PLSCR3: variants seen among roughly 807,000 people sequenced by gnomAD.
PLSCR3 encodes phospholipid scramblase 3.
In PLSCR3, 17 loss-of-function variants were observed where a neutral mutation model predicts 33.7. That is an observed-to-expected ratio of 0.50 (90% CI 0.35 to 0.76). The LOEUF is 0.76. Among genes scored for constraint, PLSCR3 ranks in the 30% least tolerant of loss-of-function variants. The pLI, the probability that PLSCR3 is intolerant of heterozygous loss-of-function variation, is 0.01. For missense variants in PLSCR3, 360 were observed against 394.1 expected (o/e 0.91, Z 0.73); for synonymous variants, 166 against 166.0 (o/e 1.00, Z 0.00).
In PLSCR3 at chr17:7,394,035, ATG is replaced by A; in HGVS notation, c.7+67_7+68del. 1 of 1,561,508 alleles carries A rather than the reference ATG, an allele frequency of 6.4e-7. No individual in the cohort carries two copies. The highest frequency in any genetic ancestry group is 8.7e-7 in the Non-Finnish European group (1 of 1,143,510). On this transcript the variant is annotated intron_variant, in intron 2 of 7. Transcript: ENST00000619711. This position sits in a 1 kb window ranked among gnomAD's most constrained non-coding sequence, Gnocchi z 5.3. ...GCCAGTCCGAGCACATTCCGGGAGG[ATG>A]TGTTCAAACCCGGCTCCCAAGTCCG... is the stretch of plus-strand genomic sequence containing the variant.
Position 7,392,828 on chromosome 17 carries a change from C to G in PLSCR3, c.632G>C (p.Cys211Ser). ...RQTVLRVVGP[C>S]WTCGCGTDTN... ...GTCTGTGCCACAGCCACAGGTCCAGCAGGGCCCCACCACTCGCAAGACTGT... is the reference window on the plus strand; with the variant it reads ...GTCTGTGCCACAGCCACAGGTCCAGGAGGGCCCCACCACTCGCAAGACTGT... The change falls in exon 6 of 8, where the codon TGC (cysteine) becomes TCC (serine). Residue 211 changes from cysteine (C) to serine (S), a missense_variant. Physicochemically the swap from Cys to Ser is moderately radical, Grantham distance 112 (BLOSUM62 -1). Transcript: ENST00000619711. 1 of 1,614,084 alleles carries G rather than the reference C, an allele frequency of 6.2e-7. No individual in the cohort carries two copies. The highest frequency in any genetic ancestry group is 8.5e-7 in the Non-Finnish European group (1 of 1,180,024).
intron 7 of PLSCR3, 29 bp downstream of exon 7, chr17:7,390,605 G>A: frequency 1.2e-6 from 2 of 1,612,562 alleles, no homozygotes; most frequent in Non-Finnish European, 1.7e-6. Flanking sequence ...AGGACAGGCA[G>A]GAGGTGGGGG....
At position 7,393,314 on chromosome 17, in the gene PLSCR3, C is replaced by T. The variant is rs1905889969; in HGVS notation, c.337G>A (p.Gly113Arg). 1.2e-6 allele frequency: 2 copies of T among 1,611,556 alleles called. No homozygotes were observed. Among genetic ancestry groups the T allele is most frequent in the African/African-American group, 1.3e-5 (1 of 75,012 alleles). Residue 113 changes from glycine to arginine, a missense_variant, in exon 5 of 8, where the codon GGG becomes AGG. Coordinates refer to ENST00000619711, the MANE Select transcript of PLSCR3 (RefSeq NM_020360.4). ...TCGGCCGCCTGACCCAGGGGCTGCC[C>T]GGCCCCAGAGCGCAGTTCATACCGA... ...CNRYELRSGA[G>R]QPLGQAAEES...
At chr17:7,393,404 C>G in intron 4 of PLSCR3, 40 bp from the exon 5 acceptor site, 1 of 1,612,252 alleles carries the variant, frequency 6.2e-7, no homozygotes, top group South Asian at 1.1e-5. Context: ...GAGCCTCGCG[C>G]GCCCAGGAGC....
In PLSCR3 at chr17:7,390,415, T is replaced by G; in HGVS notation, c.858A>C (p.Gly286=). ...LIDYMFFEKR[G]GAGPSAVTS is the part of the protein sequence containing the mutation. The stretch of plus-strand genomic sequence containing the variant: ...TGGTGACGGCAGAGGGCCCAGCGCC[T>G]CCTCGCTTCTCAAAGAACATGTAGT... Residue 286 remains glycine, a synonymous_variant, in exon 8 of 8, where the codon GGA becomes GGC. Transcript: ENST00000619711. 1 of 1,562,154 alleles carries G rather than the reference T, an allele frequency of 6.4e-7. No individual in the cohort carries two copies. Among genetic ancestry groups the G allele is most frequent in the East Asian group, 2.4e-5 (1 of 41,952 alleles).
rs754187288 is a variant in PLSCR3 at position 7,393,315 on chromosome 17, G to A, written c.336C>T (p.Ala112=). 1.1e-5 allele frequency: 17 copies of A among 1,611,524 alleles called. No homozygotes were observed. The Admixed American group carries it at 1.3e-4, about 13-fold the overall frequency. Residue 112 remains alanine (A), a synonymous_variant, in exon 5 of 8, where the codon GCC becomes GCT. Coordinates refer to ENST00000619711, the MANE Select transcript of PLSCR3 (RefSeq NM_020360.4). ...CGGCCGCCTGACCCAGGGGCTGCCC[G>A]GCCCCAGAGCGCAGTTCATACCGAT... ...TCNRYELRSG[A]GQPLGQAAEE...
rs978930173 is a variant in PLSCR3 at position 7,394,309 on chromosome 17, G to T, written c.-157-42C>A. The stretch of plus-strand genomic sequence containing the variant: ...CCCAAGTGTCAGTGGGCGGGACCGG[G>T]TACCTGGGACCCTGGATTCCCTCGG... On this transcript the variant is annotated intron_variant, in intron 1 of 7. Coordinates refer to ENST00000619711, the MANE Select transcript of PLSCR3 (RefSeq NM_020360.4). This position sits in a 1 kb window ranked among gnomAD's most constrained non-coding sequence, Gnocchi z 5.3. 5.5e-6 allele frequency: 3 copies of T among 541,142 alleles called. No individual in the cohort carries two copies. In the Admixed American group the frequency reaches 9.6e-5, roughly 17 times the overall value. 33.5% of individuals were successfully genotyped at this position (541,142 alleles called of 1,614,324 possible).
Position 7,392,862 on chromosome 17 carries a change from C to G in PLSCR3, c.598G>C (p.Asp200His). Residue 200 changes from aspartate (D) to histidine (H), a missense_variant, in exon 6 of 8, where the codon GAT (aspartate) becomes CAT (histidine). Coordinates refer to ENST00000619711, the MANE Select transcript of PLSCR3 (RefSeq NM_020360.4). ...FLPKFSIQDA[D>H]RQTVLRVVGP... ...ACCACTCGCAAGACTGTCTGGCGAT[C>G]GGCATCCTGGATGGAGAACTTGGGG... 1 of 1,614,086 alleles carries G rather than the reference C, an allele frequency of 6.2e-7. No individual in the cohort carries two copies. The highest frequency in any genetic ancestry group is 2.2e-5 in the East Asian group (1 of 44,884).
In PLSCR3 at chr17:7,391,103, A is replaced by C. The variant is rs1379050513; in HGVS notation, c.670-308T>G. On this transcript the variant is annotated intron_variant, in intron 6 of 7. Coordinates refer to ENST00000619711, the MANE Select transcript of PLSCR3 (RefSeq NM_020360.4). This position sits in a 1 kb window ranked among gnomAD's most constrained non-coding sequence, Gnocchi z 4.1. ...CATCAGTGGTGGGAGAAATGGAAGC[A>C]TGACAATCCAACCCCCTTAGGGTAT... 6.6e-6 allele frequency among the ~76,000 whole-genome samples: 1 copy of C among 152,198 alleles called. No homozygotes were observed. The highest frequency in any genetic ancestry group is 1.5e-5 in the Non-Finnish European group (1 of 68,042).
In PLSCR3 at chr17:7,389,849, T is replaced by C. The variant is rs1268431658; in HGVS notation, c.*536A>G. 1.3e-5 allele frequency: 2 copies of C among 155,560 alleles called. No homozygotes were observed. Among genetic ancestry groups the C allele is most frequent in the African/African-American group, 4.8e-5 (2 of 41,534 alleles). 9.6% of individuals were successfully genotyped at this position (155,560 alleles called of 1,614,324 possible). A position where few individuals can be genotyped will look rare whatever the true frequency, so the allele number is the denominator to read the frequency against. On this transcript the variant is annotated 3_prime_UTR_variant, in exon 8 of 8. Transcript: ENST00000619711. ...CACAGGAATCGCAGCAAGCACCAGCTGAAGGCAGGGCCCTAGTGGGAGAGG... is the reference window on the plus strand; with the variant it reads ...CACAGGAATCGCAGCAAGCACCAGCCGAAGGCAGGGCCCTAGTGGGAGAGG...
Position 7,390,426 on chromosome 17 carries a change from C to A in PLSCR3, c.847G>T (p.Glu283Ter). The change falls in exon 8 of 8, where the codon GAG becomes TAG. Residue 283 changes from glutamate (E) to a stop codon, truncating the protein, a stop_gained. Transcript: ENST00000619711. LOFTEE classifies it high-confidence loss of function. ...ATFLIDYMFFEKRGGAGPSAV... is the reference protein window; with the variant it reads ...ATFLIDYMFF ...GAGGGCCCAGCGCCTCCTCGCTTCT[C>A]AAAGAACATGTAGTCCTAAGAGGAG... 6.4e-7 allele frequency: 1 copy of A among 1,574,208 alleles called. No individual in the cohort carries two copies. The highest frequency in any genetic ancestry group is 8.6e-7 in the Non-Finnish European group (1 of 1,158,770).
rs1290440654 is a variant in PLSCR3 at position 7,393,219 on chromosome 17, G to A, written c.432C>T (p.Pro144=). The A allele has an allele frequency of 2.6e-6, 4 of 1,543,456 alleles. No homozygotes were observed. The highest frequency in any genetic ancestry group is 2.3e-5 in the South Asian group (2 of 88,324). ...GCAAACGCAGCACCTCACGGTCCCCGGGGTCGGCCAGGCGGACACGCAGCG... is the reference window on the plus strand; with the variant it reads ...GCAAACGCAGCACCTCACGGTCCCCAGGGTCGGCCAGGCGGACACGCAGCG... ...RRPLRVRLAD[P]GDREVLRLLR... is the part of the protein sequence containing the mutation. Residue 144 remains proline, a synonymous_variant, in exon 5 of 8, where the codon CCC becomes CCT. Transcript: ENST00000619711.
chr17:7,390,992 C>T lies in PLSCR3; in HGVS notation c.670-197G>A, dbSNP rs540369963. 3.8e-4 allele frequency among the ~76,000 whole-genome samples: 58 copies of T among 152,256 alleles called. 1 individual carries two copies. Among genetic ancestry groups the T allele is most frequent in the Admixed American group, 1.3e-3 (20 of 15,276 alleles). On this transcript the variant is annotated intron_variant, in intron 6 of 7. Transcript: ENST00000619711. ...TATGACAGCTGGGGAAACTGAGGCA[C>T]TCTAGATCACGCTGAGTCTATACCC...
intron 3 of PLSCR3, 39 bp downstream of exon 3, chr17:7,393,562 T>G: frequency 6.2e-7 from 1 of 1,613,530 alleles, no homozygotes; most frequent in Non-Finnish European, 8.5e-7. Context: ...GACGCCCAAG[T>G]CCCCTCCCAG....
chr17:7,392,878 G>T lies in PLSCR3; in HGVS notation c.582C>A (p.Phe194Leu). ...LQTWHPFLPKFSIQDADRQTV... is the reference protein window; with the variant it reads ...LQTWHPFLPKLSIQDADRQTV... ...TCTGGCGATCGGCATCCTGGATGGA[G>T]AACTTGGGGAGGAAGGGATGCCAGG... The change falls in exon 6 of 8, where the codon TTC (phenylalanine) becomes TTA (leucine). Residue 194 changes from phenylalanine (F) to leucine (L), a missense_variant. By Grantham distance (22) the Phe-to-Leu change is conservative. Coordinates refer to ENST00000619711, the MANE Select transcript of PLSCR3 (RefSeq NM_020360.4). 1 of 1,614,096 alleles carries T rather than the reference G, an allele frequency of 6.2e-7. No homozygotes were observed. Among genetic ancestry groups the T allele is most frequent in the Non-Finnish European group, 8.5e-7 (1 of 1,179,998 alleles).
intron 6 of PLSCR3, among the ~76,000 whole-genome samples, chr17:7,392,062 G>A (rs1306640566): frequency 6.6e-6 from 1 of 152,228 alleles, no homozygotes; most frequent in Non-Finnish European, 1.5e-5. Context: ...GCGCATGCCT[G>A]TAATCCTAGC....
Position 7,393,128 on chromosome 17 carries a change from C to T in PLSCR3, c.507+16G>A. ...CCCACCAAGGCCCGCCCTCCCGGCC[C>T]CCTCCCTCCGCCCACCTCCTGGAGG... is the stretch of plus-strand genomic sequence containing the variant. On this transcript the variant is annotated intron_variant, in intron 5 of 7. Coordinates refer to ENST00000619711, the MANE Select transcript of PLSCR3 (RefSeq NM_020360.4). 1 of 1,443,308 alleles carries T rather than the reference C, an allele frequency of 6.9e-7. No homozygotes were observed. The highest frequency in any genetic ancestry group is 9.1e-7 in the Non-Finnish European group (1 of 1,102,988). The allele number at this position is 1,443,308 out of a possible 1,614,324, so 89.4% of individuals were successfully genotyped here.
At chr17:7,393,112 G>GCCCCC in intron 5 of PLSCR3, 32 bp downstream of exon 5, 3 of 1,256,046 alleles carry the variant, frequency 2.4e-6, no homozygotes, top group Non-Finnish European at 2.1e-6. Context: ...CCCCACCAAG[G>GCCCCC]CCCGCCCTCC....
chr17:7,393,660 A>AC lies in PLSCR3; in HGVS notation c.183dup (p.Ser62ValfsTer22). On this transcript the variant is annotated frameshift_variant, in exon 3 of 8. Transcript: ENST00000619711. LOFTEE classifies it high-confidence loss of function. Reference sequence around the variant, plus strand: ...GGCAGTGGCAAGAAGGGGGCAGCAGACCCCAAGGCCACGGGGCCAGGCGAG... The same window carrying AC: ...GGCAGTGGCAAGAAGGGGGCAGCAGACCCCCAAGGCCACGGGGCCAGGCGAG... 6.2e-7 allele frequency: 1 copy of AC among 1,606,680 alleles called. No individual in the cohort carries two copies. The highest frequency in any genetic ancestry group is 8.5e-7 in the Non-Finnish European group (1 of 1,178,800).
Sources: allele counts gnomAD v4.1 joint callset (sites outside exome capture counted in the v4.1 genomes callset), GRCh38; gene constraint gnomAD v4.1.1; non-coding constraint Gnocchi (gnomAD v3.1); transcripts MANE v1.5; gene names NCBI Gene and HGNC (gene_info 2026-07-23, HGNC 2026-07-21).